Variants in PARD3B observed in about 807,000 individuals in gnomAD.
The protein encoded by PARD3B is partitioning defective 3 homolog B.
A neutral mutation model predicts 130.2 loss-of-function variants in PARD3B; 103 were observed. The ratio of observed to expected loss-of-function variants is 0.79; its 90% CI spans 0.67 to 0.93. The LOEUF (loss-of-function observed/expected upper bound fraction) is 0.93, where lower values mean the gene tolerates loss of function less well. Among genes scored for constraint, PARD3B ranks in the 40% least tolerant of loss-of-function variants. PARD3B has a pLI of 0.00. For synonymous variants in PARD3B, 583 were observed against 553.2 expected, an observed-to-expected ratio of 1.05 and a Z score of -0.76; for missense variants, 1,609 against 1,499.2, an observed-to-expected ratio of 1.07 and a Z score of -1.21.
intron 3 of PARD3B, among the ~76,000 whole-genome samples, chr2:204,981,169 T>C (rs551782069): frequency 7.2e-5 from 11 of 152,148 alleles, no homozygotes; most frequent in Admixed American, 2.6e-4. Flanking sequence ...GAGTATCCAC[T>C]GAAATTGAAA....
Position 204,658,608 on chromosome 2 carries a change from G to A in PARD3B, c.121-27573G>A, listed in dbSNP as rs563238962. On this transcript the variant is annotated intron_variant, in intron 1 of 22. Transcript: ENST00000406610. Reference sequence around the variant, plus strand: ...AAAAAGTGTATAACCTCTAGAACAGGCATTCAACAAATTATTTTTTTTTTC... The same window carrying A: ...AAAAAGTGTATAACCTCTAGAACAGACATTCAACAAATTATTTTTTTTTTC... Among the ~76,000 whole-genome samples the A allele has an allele frequency of 4.6e-5, 7 of 152,210 alleles. No individual in the cohort carries two copies. In the South Asian group the frequency reaches 1.5e-3, roughly 32 times the overall value.
chr2:205,252,043 T>C (rs1480983626), intron 16 of PARD3B, among the ~76,000 whole-genome samples: 1 of 152,186 alleles, frequency 6.6e-6, no homozygotes, highest in Non-Finnish European at 1.5e-5. Context: ...GAAGCAACTC[T>C]AGTATTTCCA....
intron 4 of PARD3B, among the ~76,000 whole-genome samples, chr2:205,057,638 TATATGTGTATGTGTATACGTAC>T: frequency 6.9e-6 from 1 of 144,054 alleles, no homozygotes; most frequent in African/African-American, 2.6e-5. Context: ...TATATATACA[TATATGTGTATGTGTATACGTAC>T]ATATACATAT....
rs866804276 is a variant in PARD3B at position 205,177,467 on chromosome 2, A to G, written c.1924+890A>G. Among the ~76,000 whole-genome samples the G allele has an allele frequency of 1.5e-4, 23 of 152,196 alleles. 1 individual carries two copies. Among genetic ancestry groups the G allele is most frequent in the East Asian group, 5.8e-4 (3 of 5,208 alleles). ...ATAGCACATTATATGCCTCTTAGTC[A>G]TTGAATATTCTTCTACAATATCACA... On this transcript the variant is annotated intron_variant, in intron 13 of 22. Transcript: ENST00000406610.
chr2:204,866,781 G>A (rs10203289), intron 2 of PARD3B, among the ~76,000 whole-genome samples: 42,651 of 151,832 alleles, frequency 0.28, 10,873 homozygotes, highest in African/African-American at 0.68. Flanking sequence ...GGGCGTAATC[G>A]TTTGAAATAA....
intron 2 of PARD3B, among the ~76,000 whole-genome samples, chr2:204,778,637 C>T (rs1399784351): frequency 6.6e-6 from 1 of 152,082 alleles, no homozygotes; most frequent in Non-Finnish European, 1.5e-5. Flanking sequence ...GCCATATTCC[C>T]CTCTCTCATC....
intron 1 of PARD3B, among the ~76,000 whole-genome samples, chr2:204,604,998 C>A (rs536132800): frequency 6.6e-6 from 1 of 152,132 alleles, no homozygotes; most frequent in African/African-American, 2.4e-5. Context: ...AGCTGGGACC[C>A]TCTTTGTGTA....
rs1029299614 is a variant in PARD3B at position 205,078,356 on chromosome 2, A to G, written c.505-26070A>G. 6.6e-6 allele frequency among the ~76,000 whole-genome samples: 1 copy of G among 152,114 alleles called. No individual in the cohort carries two copies. Among genetic ancestry groups the G allele is most frequent in the Non-Finnish European group, 1.5e-5 (1 of 68,016 alleles). On this transcript the variant is annotated intron_variant, in intron 4 of 22. Coordinates refer to ENST00000406610, the MANE Select transcript of PARD3B (RefSeq NM_001302769.2). This position sits in a 1 kb window ranked among gnomAD's most constrained non-coding sequence, Gnocchi z 4.0. The stretch of plus-strand genomic sequence containing the variant: ...CGCAGCATCATTCTTCATAATTTTT[A>G]TTAATTGTATGGTTTTCCTTTTATG...
intron 10 of PARD3B, among the ~76,000 whole-genome samples, chr2:205,135,587 T>TC (rs1491190288): frequency 9.6e-5 from 14 of 146,432 alleles, no homozygotes; most frequent in African/African-American, 2.8e-4. Flanking sequence ...TTTTTTTTTT[T>TC]CCCTAAGGGC....
chr2:205,307,548 C>T (rs1339333048), intron 18 of PARD3B, among the ~76,000 whole-genome samples: 1 of 152,146 alleles, frequency 6.6e-6, no homozygotes, highest in Non-Finnish European at 1.5e-5. Context: ...ACTGTTCATG[C>T]CCCTTTCAGC....
chr2:204,688,256 T>A (rs1298667679), intron 2 of PARD3B, among the ~76,000 whole-genome samples: 2 of 152,094 alleles, frequency 1.3e-5, no homozygotes, highest in Admixed American at 1.3e-4. Flanking sequence ...TTGATGTTGC[T>A]AGAAAAAATT....
intron 11 of PARD3B, among the ~76,000 whole-genome samples, chr2:205,169,589 C>T (rs2035030299): frequency 6.6e-6 from 1 of 152,184 alleles, no homozygotes; most frequent in Non-Finnish European, 1.5e-5. Flanking sequence ...TTCCCTCCAT[C>T]TCTAGAGGTT....
At position 205,197,593 on chromosome 2, in the gene PARD3B, C is replaced by T. The variant is rs62172738; in HGVS notation, c.2140+4273C>T. ...GGGATTTTGTGGATACTTTTACTGG[C>T]ATGCATGTGGTCACATTTAAATCAG... On this transcript the variant is annotated intron_variant, in intron 15 of 22. Coordinates refer to ENST00000406610, the MANE Select transcript of PARD3B (RefSeq NM_001302769.2). Among the ~76,000 whole-genome samples, 602 of 152,198 alleles carry T rather than the reference C, an allele frequency of 4.0e-3. 4 individuals are homozygous for T. The highest frequency in any genetic ancestry group is 5.9e-3 in the Non-Finnish European group (400 of 68,022).
At chr2:205,349,822 A>ATTTG (rs1364456491) in intron 18 of PARD3B, among the ~76,000 whole-genome samples, 1 of 36,388 alleles carries the variant, frequency 2.7e-5, no homozygotes, top group Non-Finnish European at 1.1e-4. Flanking sequence ...TTTTTTTTTA[A>ATTTG]AAAAAGAGGA....
chr2:205,437,305 T>C (rs2047552232), intron 19 of PARD3B, among the ~76,000 whole-genome samples: 1 of 152,218 alleles, frequency 6.6e-6, no homozygotes, highest in Admixed American at 6.5e-5. Flanking sequence ...TCATTTATTA[T>C]CATCTCTTAT....
intron 2 of PARD3B, among the ~76,000 whole-genome samples, chr2:204,724,050 T>C (rs12468818): frequency 0.73 from 110,451 of 152,018 alleles, 41,763 homozygotes; most frequent in East Asian, 0.9. Context: ...TTAATGCTAG[T>C]CTCATTATAT....
At chr2:204,870,844 T>C (rs1419573549) in intron 2 of PARD3B, among the ~76,000 whole-genome samples, 1 of 152,162 alleles carries the variant, frequency 6.6e-6, no homozygotes, top group East Asian at 1.9e-4. Context: ...CCCATTTGTT[T>C]TTGGTTTCAG....
intron 1 of PARD3B, among the ~76,000 whole-genome samples, chr2:204,634,240 G>A (rs1395298006): frequency 2.0e-5 from 3 of 152,120 alleles, no homozygotes; most frequent in Admixed American, 1.3e-4. Context: ...GAGAACATGC[G>A]ATGTTGGTCT....
intron 4 of PARD3B, among the ~76,000 whole-genome samples, chr2:205,063,531 G>A (rs568581413): frequency 1.6e-4 from 25 of 152,106 alleles, no homozygotes; most frequent in South Asian, 1.0e-3. Context: ...TCCTTTATCC[G>A]TGTAACTCAG....
Sources: gnomAD v4.1 joint callset for allele counts (sites outside exome capture counted in the v4.1 genomes callset) on GRCh38, gnomAD v4.1.1 for gene constraint, Gnocchi (gnomAD v3.1) non-coding constraint, MANE v1.5 for transcripts, NCBI Gene and HGNC (gene_info 2026-07-23, HGNC 2026-07-21) for gene names.